Variants in SMYD3 observed in about 807,000 individuals in gnomAD.
SMYD3 encodes the protein histone-lysine N-methyltransferase SMYD3.
Under a neutral mutation model 57.7 loss-of-function variants are expected in SMYD3, and 36 were observed. That is an observed-to-expected ratio of 0.62 (90% CI 0.48 to 0.82). SMYD3 has a LOEUF of 0.82. Among genes scored for constraint, SMYD3 ranks in the 40% least tolerant of loss-of-function variants. SMYD3 has a pLI of 0.00. For missense variants in SMYD3, 515 were observed against 538.8 expected, an observed-to-expected ratio of 0.96 and a Z score of 0.44; for synonymous variants, 211 against 195.0, an observed-to-expected ratio of 1.08 and a Z score of -0.68.
In SMYD3 at chr1:246,195,396, A is replaced by G. The variant is rs112359797; in HGVS notation, c.531+131805T>C. 7.5e-3 allele frequency among the ~76,000 whole-genome samples: 1,144 copies of G among 152,314 alleles called. 6 individuals carry two copies. Among genetic ancestry groups the G allele is most frequent in the Non-Finnish European group, 0.011 (778 of 68,020 alleles). ...TAAAGTCTCACAGGACTCATGTGGT[A>G]CGGGGCCTCTGTGACAATAGGTAAC... On this transcript the variant is annotated intron_variant, in intron 5 of 11. Transcript: ENST00000490107.
At chr1:246,084,195 CTT>C (rs772938424) in intron 5 of SMYD3, among the ~76,000 whole-genome samples, 10 of 135,452 alleles carry the variant, frequency 7.4e-5, no homozygotes, top group South Asian at 4.7e-4. Flanking sequence ...CTGACAATTC[CTT>C]TTTTTTTTTT....
chr1:246,243,411 CCTTT>C (rs1269476773), intron 5 of SMYD3, among the ~76,000 whole-genome samples: 1 of 150,854 alleles, frequency 6.6e-6, no homozygotes, highest in Non-Finnish European at 1.5e-5. Context: ...CATAGTGAGC[CCTTT>C]CTATCTGAAG....
intron 5 of SMYD3, among the ~76,000 whole-genome samples, chr1:246,046,559 G>A (rs2059969181): frequency 6.6e-6 from 1 of 151,404 alleles, no homozygotes; most frequent in South Asian, 2.1e-4. Context: ...CACCAACATG[G>A]CACATGTATA....
At chr1:246,445,062 A>C (rs572883758) in intron 1 of SMYD3, among the ~76,000 whole-genome samples, 1 of 152,322 alleles carries the variant, frequency 6.6e-6, no homozygotes, top group East Asian at 1.9e-4. Flanking sequence ...GATGGCAGTG[A>C]TGATGTTTTA....
rs745720750 is a variant in SMYD3 at position 246,212,373 on chromosome 1, C to T, written c.531+114828G>A. Among the ~76,000 whole-genome samples, 34 of 151,830 alleles carry T rather than the reference C, an allele frequency of 2.2e-4. No individual in the cohort carries two copies. In the East Asian group the frequency reaches 6.4e-3, roughly 28 times the overall value. Reference sequence around the variant, plus strand: ...TAATAATTATATGATAAATGAGTACCATTAGGGTATTCAAGAATATTTTAT... The same window carrying T: ...TAATAATTATATGATAAATGAGTACTATTAGGGTATTCAAGAATATTTTAT... On this transcript the variant is annotated intron_variant, in intron 5 of 11. Transcript: ENST00000490107.
At chr1:245,824,970 G>T (rs987147031) in intron 10 of SMYD3, among the ~76,000 whole-genome samples, 1 of 152,102 alleles carries the variant, frequency 6.6e-6, no homozygotes, top group Non-Finnish European at 1.5e-5. Flanking sequence ...GGCAGAGGTT[G>T]CAGTCAGCCG....
intron 1 of SMYD3, among the ~76,000 whole-genome samples, chr1:246,494,719 T>C (rs181233903): frequency 6.6e-6 from 1 of 152,200 alleles, no homozygotes; most frequent in Non-Finnish European, 1.5e-5. Context: ...AGCTAAAAAA[T>C]GCTAACAAGG....
chr1:246,158,549 T>C (rs982830943), intron 5 of SMYD3, among the ~76,000 whole-genome samples: 2 of 152,218 alleles, frequency 1.3e-5, no homozygotes, highest in Non-Finnish European at 2.9e-5. Context: ...GAGTAAAGCA[T>C]ACCTTTTTAT....
At chr1:246,430,457 T>A (rs1159878881) in intron 1 of SMYD3, among the ~76,000 whole-genome samples, 1 of 152,228 alleles carries the variant, frequency 6.6e-6, no homozygotes, top group Non-Finnish European at 1.5e-5. Flanking sequence ...AGGCCGTATG[T>A]GGCAGAGTGG....
At chr1:246,255,352 T>C (rs1354853263) in intron 5 of SMYD3, among the ~76,000 whole-genome samples, 1 of 151,286 alleles carries the variant, frequency 6.6e-6, no homozygotes, top group African/African-American at 2.4e-5. Context: ...TTATTTTCCT[T>C]CAATGCCTGG....
chr1:246,407,587 A>G (rs2066886626), intron 1 of SMYD3, among the ~76,000 whole-genome samples: 1 of 152,212 alleles, frequency 6.6e-6, no homozygotes, highest in African/African-American at 2.4e-5. Flanking sequence ...CGTGCCCGTA[A>G]TCCCAGCACT....
At chr1:246,332,468 G>A (rs1401282609) in intron 3 of SMYD3, among the ~76,000 whole-genome samples, 1 of 152,190 alleles carries the variant, frequency 6.6e-6, no homozygotes, top group African/African-American at 2.4e-5. Flanking sequence ...GTTAACAGAG[G>A]TTGGTTCATA....
chr1:246,126,100 C>G (rs544943272), intron 5 of SMYD3, among the ~76,000 whole-genome samples: 2 of 152,200 alleles, frequency 1.3e-5, no homozygotes, highest in African/African-American at 4.8e-5. Context: ...GCATTACTTA[C>G]ACACAGCGCA....
At chr1:245,773,108 A>G (rs2148099081) in intron 10 of SMYD3, among the ~76,000 whole-genome samples, 1 of 151,954 alleles carries the variant, frequency 6.6e-6, no homozygotes, top group African/African-American at 2.4e-5. Flanking sequence ...AAAAAAAAAA[A>G]AAGCATGATA....
chr1:246,192,460 T>G (rs2148330757), intron 5 of SMYD3, among the ~76,000 whole-genome samples: 1 of 152,108 alleles, frequency 6.6e-6, no homozygotes, highest in East Asian at 1.9e-4. Context: ...CTTGCTGTGT[T>G]GCCCAGGCTG....
chr1:245,966,933 T>C (rs1253782266), intron 5 of SMYD3, among the ~76,000 whole-genome samples: 1 of 152,166 alleles, frequency 6.6e-6, no homozygotes, highest in Non-Finnish European at 1.5e-5. Context: ...GAGCAGGAAA[T>C]ATGCTTGCTT....
chr1:246,414,868 C>T (rs1044550229), intron 1 of SMYD3, among the ~76,000 whole-genome samples: 2 of 152,036 alleles, frequency 1.3e-5, no homozygotes, highest in Non-Finnish European at 2.9e-5. Context: ...AGGCACACAC[C>T]ACCAGGCCCA....
chr1:246,125,369 A>C (rs1216603336), intron 5 of SMYD3, among the ~76,000 whole-genome samples: 1 of 152,180 alleles, frequency 6.6e-6, no homozygotes, highest in Admixed American at 6.5e-5. Context: ...GCCACATTCA[A>C]ATTCCTCAGA....
chr1:245,914,786 C>T (rs2055277286), intron 8 of SMYD3, among the ~76,000 whole-genome samples: 1 of 152,134 alleles, frequency 6.6e-6, no homozygotes, highest in Non-Finnish European at 1.5e-5. Flanking sequence ...TATGAGGTGA[C>T]AGATATGCTA....
Sources: allele counts gnomAD v4.1 joint callset (sites outside exome capture counted in the v4.1 genomes callset), GRCh38; gene constraint gnomAD v4.1.1; transcripts MANE v1.5; gene names NCBI Gene and HGNC (gene_info 2026-07-23, HGNC 2026-07-21).